The following RPL39L variants were observed in gnomAD, a reference collection of about 807,000 sequenced individuals.
RPL39L encodes the protein ribosomal protein eL39-like 2.
For missense variants in RPL39L, 48 were observed against 58.9 expected (o/e 0.81, Z 0.61); for synonymous variants, 16 against 20.1 (o/e 0.80, Z 0.55).
At chr3:187,127,897 A>T (rs1456285644) in intron 2 of RPL39L, 102 bp downstream of exon 2, 2 of 152,258 alleles carry the variant, frequency 1.3e-5, no homozygotes, top group Non-Finnish European at 1.5e-5. Context: ...AAAAATATCT[A>T]CAAAACTAAA....
chr3:187,123,894 A>G (rs1436947708), intron 2 of RPL39L, among the ~76,000 whole-genome samples: 1 of 152,244 alleles, frequency 6.6e-6, no homozygotes, highest in Non-Finnish European at 1.5e-5. Context: ...GCTCAATGCC[A>G]GTGACATACA....
intron 1 of RPL39L, among the ~76,000 whole-genome samples, chr3:187,131,958 C>G (rs1219526732): frequency 6.6e-6 from 1 of 152,186 alleles, no homozygotes; most frequent in Non-Finnish European, 1.5e-5. Context: ...AGACTATAAG[C>G]TCCTCAAGAG....
rs371379885 is a variant in RPL39L, at chr3:187,128,939, C to G, written c.-92-877G>C. Among the ~76,000 whole-genome samples the G allele has an allele frequency of 5.9e-5, 9 of 152,288 alleles. No homozygotes were observed. In the East Asian group the frequency reaches 1.7e-3, roughly 29 times the overall value. ...ACCCTATTATACCTCTTGCTTTGCT[C>G]AGCACTATTGTACCTCTTGCTTGCA... On this transcript the variant is annotated intron_variant, in intron 1 of 2. Transcript: ENST00000296277.
At chr3:187,125,895 G>A (rs768457847) in intron 2 of RPL39L, among the ~76,000 whole-genome samples, 37 of 152,306 alleles carry the variant, frequency 2.4e-4, no homozygotes, top group Admixed American at 4.6e-4. Flanking sequence ...GCACACCTCT[G>A]CACTTTGTGA....
At chr3:187,129,601 C>T (rs146108301) in intron 1 of RPL39L, among the ~76,000 whole-genome samples, 1 of 152,116 alleles carries the variant, frequency 6.6e-6, no homozygotes, top group African/African-American at 2.4e-5. Context: ...CTTAGCTGAG[C>T]TTGTTATATT....
intron 1 of RPL39L, among the ~76,000 whole-genome samples, chr3:187,134,027 A>C (rs1720529756): frequency 1.3e-5 from 2 of 152,184 alleles, no homozygotes; most frequent in Non-Finnish European, 2.9e-5. Context: ...CATTGTGAAG[A>C]GGGAAAGTAA....
At chr3:187,129,539 A>G (rs1043809285) in intron 1 of RPL39L, among the ~76,000 whole-genome samples, 4 of 152,258 alleles carry the variant, frequency 2.6e-5, no homozygotes, top group African/African-American at 7.2e-5. Flanking sequence ...CGTTCTACAA[A>G]AGGACATCCT....
intron 1 of RPL39L, among the ~76,000 whole-genome samples, chr3:187,137,198 C>CAA (rs33967617): frequency 0.18 from 6,931 of 37,610 alleles, 1,364 homozygotes; most frequent in Non-Finnish European, 0.23. Context: ...CACTCTTCCT[C>CAA]AAAAAAAAAA....
intron 2 of RPL39L, among the ~76,000 whole-genome samples, chr3:187,122,425 G>A (rs1194098637): frequency 1.3e-5 from 2 of 151,954 alleles, no homozygotes; most frequent in Non-Finnish European, 2.9e-5. Flanking sequence ...GATAGTGGTA[G>A]TGTGCAAAAA....
intron 2 of RPL39L, among the ~76,000 whole-genome samples, chr3:187,126,674 A>G (rs911720523): frequency 2.6e-5 from 4 of 152,202 alleles, no homozygotes; most frequent in African/African-American, 7.2e-5. Context: ...AGGAATTATC[A>G]GGCCAAAAGT....
chr3:187,138,734 A>G (rs1242527377), intron 1 of RPL39L, among the ~76,000 whole-genome samples: 1 of 152,130 alleles, frequency 6.6e-6, no homozygotes. Flanking sequence ...TCTCTAAGCT[A>G]GAAACAGGGG....
At chr3:187,122,522 G>C (rs946959152) in intron 2 of RPL39L, among the ~76,000 whole-genome samples, 1 of 152,098 alleles carries the variant, frequency 6.6e-6, no homozygotes, top group African/African-American at 2.4e-5. Flanking sequence ...CTTGGTTTCT[G>C]TCTTATGGCT....
chr3:187,126,571 A>G (rs1283568314), intron 2 of RPL39L, among the ~76,000 whole-genome samples: 3 of 152,200 alleles, frequency 2.0e-5, no homozygotes, highest in Non-Finnish European at 4.4e-5. Flanking sequence ...TATTTAGGTC[A>G]GTCTGCCAGC....
intron 1 of RPL39L, among the ~76,000 whole-genome samples, chr3:187,137,744 C>T (rs11709134): frequency 0.079 from 11,925 of 151,102 alleles, 1,465 homozygotes; most frequent in African/African-American, 0.26. Flanking sequence ...GGGAGAATCA[C>T]TTGAACCCAG....
chr3:187,134,682 A>G (rs1720545562), intron 1 of RPL39L, among the ~76,000 whole-genome samples: 1 of 152,198 alleles, frequency 6.6e-6, no homozygotes, highest in Admixed American at 6.5e-5. Flanking sequence ...AAGCTCATGT[A>G]AGTGCATAAC....
At chr3:187,121,606 GCTTCT>G (rs1304214923) in intron 2 of RPL39L, among the ~76,000 whole-genome samples, 2 of 151,996 alleles carry the variant, frequency 1.3e-5, no homozygotes, top group Admixed American at 1.3e-4. Context: ...ACATACTTCT[GCTTCT>G]CTTGTTAAAT....
At chr3:187,123,221 C>A (rs1057003550) in intron 2 of RPL39L, among the ~76,000 whole-genome samples, 1 of 152,174 alleles carries the variant, frequency 6.6e-6, no homozygotes, top group Non-Finnish European at 1.5e-5. Context: ...GTGCAAGTAA[C>A]AGATGAGTAG....
chr3:187,130,251 A>G (rs1465168141), intron 1 of RPL39L, among the ~76,000 whole-genome samples: 3 of 152,230 alleles, frequency 2.0e-5, no homozygotes, highest in African/African-American at 4.8e-5. Flanking sequence ...CCTTCAAAGC[A>G]AAGTTCTTTG....
chr3:187,137,326 T>C lies in RPL39L; in HGVS notation c.-93+1887A>G, dbSNP rs546668906. Among the ~76,000 whole-genome samples the C allele has an allele frequency of 1.6e-4, 24 of 148,188 alleles. 1 individual carries two copies. The South Asian group carries it at 5.2e-3, about 32-fold the overall frequency. On this transcript the variant is annotated intron_variant, in intron 1 of 2. Transcript: ENST00000296277. ...GAGTTCCAGACCAGCCTGGCCAACA[T>C]GGTGAAACCCCGTCTCTACTAAAAA... is the stretch of plus-strand genomic sequence containing the variant.
Sources: allele counts gnomAD v4.1 joint callset (sites outside exome capture counted in the v4.1 genomes callset), GRCh38; gene constraint gnomAD v4.1.1; transcripts MANE v1.5; gene names NCBI Gene and HGNC (gene_info 2026-07-23, HGNC 2026-07-21).